NLGN1: variants seen among roughly 807,000 people sequenced by gnomAD.
The protein encoded by NLGN1 is neuroligin-1.
In NLGN1, 12 loss-of-function variants were observed where a neutral mutation model predicts 65.5. The ratio of observed to expected loss-of-function variants is 0.18; its 90% CI spans 0.12 to 0.30. NLGN1 has a LOEUF of 0.30. Among genes scored for constraint, NLGN1 ranks in the 10% least tolerant of loss-of-function variants. NLGN1 has a pLI of 1.00. For missense variants in NLGN1, 750 were observed against 1,007.1 expected, an observed-to-expected ratio of 0.74 and a Z score of 3.46; for synonymous variants, 350 against 359.5, an observed-to-expected ratio of 0.97 and a Z score of 0.30.
At chr3:173,958,356 C>T (rs1443964824) in intron 4 of NLGN1, among the ~76,000 whole-genome samples, 1 of 152,150 alleles carries the variant, frequency 6.6e-6, no homozygotes, top group African/African-American at 2.4e-5. Flanking sequence ...GGGAGACCCG[C>T]AGTGGGTAGC....
intron 3 of NLGN1, among the ~76,000 whole-genome samples, chr3:173,751,923 A>G (rs1776357510): frequency 6.6e-6 from 1 of 152,094 alleles, no homozygotes; most frequent in South Asian, 2.1e-4. Flanking sequence ...ACACATCTAG[A>G]AAATCACAGA....
rs566183424 is a variant in NLGN1 at position 173,656,698 on chromosome 3, G to GTA, written c.493+51608_493+51609dup. On this transcript the variant is annotated intron_variant, in intron 3 of 6. Transcript: ENST00000457714. Reference sequence around the variant, plus strand: ...AATCACATGAATAATTTGTTAAAATGTACATTCCAGGTCCTCAGCTCAGTC... The same window carrying GTA: ...AATCACATGAATAATTTGTTAAAATGTATACATTCCAGGTCCTCAGCTCAGTC... Among the ~76,000 whole-genome samples, 123 of 152,178 alleles carry GTA rather than the reference G, an allele frequency of 8.1e-4. 2 individuals carry two copies. In the South Asian group the frequency reaches 0.025, roughly 31 times the overall value.
intron 4 of NLGN1, among the ~76,000 whole-genome samples, chr3:173,846,864 G>T (rs1725886822): frequency 6.6e-6 from 1 of 152,130 alleles, no homozygotes; most frequent in South Asian, 2.1e-4. Context: ...TAAATTAAAT[G>T]GAAGTATTTC....
At chr3:173,769,862 T>A (rs747541422) in intron 3 of NLGN1, among the ~76,000 whole-genome samples, 2 of 152,218 alleles carry the variant, frequency 1.3e-5, no homozygotes, top group East Asian at 3.9e-4. Context: ...TGCTACATTC[T>A]TCCCTTACCT....
intron 3 of NLGN1, among the ~76,000 whole-genome samples, chr3:173,775,323 T>C (rs1780150473): frequency 6.6e-6 from 1 of 152,204 alleles, no homozygotes; most frequent in Admixed American, 6.5e-5. Flanking sequence ...TTTTAAAATA[T>C]ATGCATCTTC....
chr3:174,229,415 C>T (rs1012629101), intron 4 of NLGN1, among the ~76,000 whole-genome samples: 2 of 152,076 alleles, frequency 1.3e-5, no homozygotes, highest in South Asian at 2.1e-4. Flanking sequence ...TCTCTTTCCG[C>T]ATCTCCATAA....
At chr3:174,206,316 G>C (rs1190878939) in intron 4 of NLGN1, among the ~76,000 whole-genome samples, 1 of 152,124 alleles carries the variant, frequency 6.6e-6, no homozygotes, top group Admixed American at 6.5e-5. Flanking sequence ...TACTGGGCTC[G>C]AGGATCACAC....
At chr3:174,274,559 TCA>T (rs1491363733) in intron 4 of NLGN1, among the ~76,000 whole-genome samples, 4 of 151,666 alleles carry the variant, frequency 2.6e-5, no homozygotes, top group Non-Finnish European at 5.9e-5. Flanking sequence ...ATTTTCCTAC[TCA>T]TTTTCAGATT....
At chr3:173,416,589 A>G (rs1466272350) in intron 1 of NLGN1, among the ~76,000 whole-genome samples, 1 of 152,176 alleles carries the variant, frequency 6.6e-6, no homozygotes, top group South Asian at 2.1e-4. Flanking sequence ...GCTGACCCCT[A>G]CTACATGTAA....
At chr3:173,946,550 C>G (rs1420627489) in intron 4 of NLGN1, among the ~76,000 whole-genome samples, 1 of 152,124 alleles carries the variant, frequency 6.6e-6, no homozygotes, top group Non-Finnish European at 1.5e-5. Flanking sequence ...TTTTGCTGTT[C>G]ATAAATTATC....
chr3:173,786,001 T>TC (rs1167097217), intron 3 of NLGN1, among the ~76,000 whole-genome samples: 4 of 152,176 alleles, frequency 2.6e-5, no homozygotes, highest in African/African-American at 9.6e-5. Flanking sequence ...GGTCTGGACT[T>TC]CAAGTTTTCC....
intron 2 of NLGN1, among the ~76,000 whole-genome samples, chr3:173,583,868 C>T (rs1746811243): frequency 6.6e-6 from 1 of 152,028 alleles, no homozygotes; most frequent in African/African-American, 2.4e-5. Flanking sequence ...AAGAGATTAT[C>T]TAAGAATACA....
At chr3:174,088,155 A>T (rs1027246906) in intron 4 of NLGN1, among the ~76,000 whole-genome samples, 13 of 152,216 alleles carry the variant, frequency 8.5e-5, no homozygotes, top group Non-Finnish European at 1.8e-4. Context: ...TTCAAAACTT[A>T]TTTTGTATTG....
chr3:173,654,572 C>G (rs1309478836), intron 3 of NLGN1, among the ~76,000 whole-genome samples: 1 of 152,086 alleles, frequency 6.6e-6, no homozygotes, highest in African/African-American at 2.4e-5. Flanking sequence ...TTCTAAGTTT[C>G]ATCCTTTTAA....
chr3:174,269,645 G>A (rs1336251878), intron 4 of NLGN1, among the ~76,000 whole-genome samples: 1 of 151,934 alleles, frequency 6.6e-6, no homozygotes, highest in Non-Finnish European at 1.5e-5. Flanking sequence ...GTACTTAGAT[G>A]AACATGGACT....
intron 4 of NLGN1, among the ~76,000 whole-genome samples, chr3:174,142,207 G>T (rs1194285079): frequency 6.6e-6 from 1 of 151,758 alleles, no homozygotes; most frequent in Non-Finnish European, 1.5e-5. Context: ...GCCTTTTGAG[G>T]GTCTACATTT....
intron 3 of NLGN1, among the ~76,000 whole-genome samples, chr3:173,676,320 T>C (rs1218652235): frequency 6.6e-6 from 1 of 152,086 alleles, no homozygotes; most frequent in Non-Finnish European, 1.5e-5. Flanking sequence ...CAGGGCCAGA[T>C]GGAAATTGGA....
At chr3:173,911,289 C>T (rs1739534267) in intron 4 of NLGN1, among the ~76,000 whole-genome samples, 1 of 152,104 alleles carries the variant, frequency 6.6e-6, no homozygotes. Context: ...TATTAAGTGA[C>T]AGTAATATGT....
At chr3:173,458,856 G>A (rs1428921197) in intron 2 of NLGN1, among the ~76,000 whole-genome samples, 1 of 152,106 alleles carries the variant, frequency 6.6e-6, no homozygotes, top group Non-Finnish European at 1.5e-5. Context: ...GGCAGCTGCA[G>A]CAGTTCTAAG....
Sources: gnomAD v4.1 joint callset for allele counts (sites outside exome capture counted in the v4.1 genomes callset) on GRCh38, gnomAD v4.1.1 for gene constraint, MANE v1.5 for transcripts, NCBI Gene and HGNC (gene_info 2026-07-23, HGNC 2026-07-21) for gene names.